The following KCNQ5 variants were observed in gnomAD, a reference collection of about 807,000 sequenced individuals.
KCNQ5 encodes potassium voltage-gated channel subfamily Q member 5, also known as potassium voltage-gated channel subfamily KQT member 5.
KCNQ5 carries 30 observed loss-of-function variants against 98.2 expected under a neutral mutation model. That is an observed-to-expected ratio of 0.31 (90% CI 0.23 to 0.41). KCNQ5 has a LOEUF of 0.41. Ranked by LOEUF, KCNQ5 falls within the 10% of genes least tolerant of loss-of-function variation. KCNQ5 has a pLI of 1.00. For missense variants in KCNQ5, 835 were observed against 1,182.5 expected, an observed-to-expected ratio of 0.71 and a Z score of 4.31; for synonymous variants, 458 against 449.4, an observed-to-expected ratio of 1.02 and a Z score of -0.24.
rs559898502 is a variant in KCNQ5, at chr6:72,955,505, C to T, written c.399-48403C>T. Among the ~76,000 whole-genome samples, 5 of 152,234 alleles carry T rather than the reference C, an allele frequency of 3.3e-5. No individual in the cohort carries two copies. In the East Asian group the frequency reaches 9.7e-4, roughly 29 times the overall value. ...TGCCAAAATGCATGCTCACCCTAAT[C>T]TATTATAACTATAAGTAGGAACTTT... On this transcript the variant is annotated intron_variant, in intron 1 of 13. Coordinates refer to ENST00000370398, the MANE Select transcript of KCNQ5 (RefSeq NM_019842.4).
At chr6:72,841,391 C>T (rs184516998) in intron 1 of KCNQ5, among the ~76,000 whole-genome samples, 34 of 152,188 alleles carry the variant, frequency 2.2e-4, no homozygotes, top group African/African-American at 8.2e-4. Flanking sequence ...GGACTTGTTC[C>T]TTTCCTTATT....
intron 1 of KCNQ5, among the ~76,000 whole-genome samples, chr6:72,816,210 T>G (rs780804582): frequency 6.6e-6 from 1 of 152,148 alleles, no homozygotes; most frequent in Non-Finnish European, 1.5e-5. Flanking sequence ...ATGCTGAATT[T>G]GATGACTAAG....
chr6:73,099,177 A>C (rs1284842797), intron 5 of KCNQ5, among the ~76,000 whole-genome samples: 1 of 152,176 alleles, frequency 6.6e-6, no homozygotes, highest in Non-Finnish European at 1.5e-5. Context: ...ATAAAAAGCA[A>C]GAAACTAAAT....
At chr6:72,894,127 A>T (rs1428816349) in intron 1 of KCNQ5, among the ~76,000 whole-genome samples, 1 of 152,178 alleles carries the variant, frequency 6.6e-6, no homozygotes, top group Non-Finnish European at 1.5e-5. Context: ...ATTCTGCAAG[A>T]GCAGCTTTTC....
At chr6:72,646,476 A>G (rs1446310271) in intron 1 of KCNQ5, among the ~76,000 whole-genome samples, 1 of 152,176 alleles carries the variant, frequency 6.6e-6, no homozygotes, top group Non-Finnish European at 1.5e-5. Context: ...GATTGTAGTT[A>G]TTGCTGATCT....
At chr6:72,759,793 C>A (rs531273269) in intron 1 of KCNQ5, among the ~76,000 whole-genome samples, 22 of 152,086 alleles carry the variant, frequency 1.4e-4, no homozygotes, top group African/African-American at 5.1e-4. Context: ...TTTCTAGTCA[C>A]ATTAAAATAG....
intron 1 of KCNQ5, among the ~76,000 whole-genome samples, chr6:72,990,323 T>A (rs1287673747): frequency 1.7e-5 from 1 of 57,932 alleles, no homozygotes; most frequent in Non-Finnish European, 3.4e-5. Flanking sequence ...TGTGTCCTCT[T>A]TTATTTCCTT....
chr6:72,686,017 G>GCTCTCTCTTTGTGC (rs1565078968), intron 1 of KCNQ5, among the ~76,000 whole-genome samples: 11 of 152,204 alleles, frequency 7.2e-5, no homozygotes, highest in Non-Finnish European at 1.5e-4. Flanking sequence ...CATGTTTAGA[G>GCTCTCTCTTTGTGC]AGAGAGCTGT....
rs2150527535 is a variant in KCNQ5, at chr6:73,194,508, T to C, written c.1893T>C (p.Leu631=). 6.2e-7 allele frequency: 1 copy of C among 1,614,170 alleles called. No individual in the cohort carries two copies. The highest frequency in any genetic ancestry group is 2.2e-5 in the East Asian group (1 of 44,884). Residue 631 remains leucine, a synonymous_variant, in exon 14 of 14, where the codon CTT becomes CTC. Transcript: ENST00000370398. ...DCLLDIYQQV[L]RKGSASALAL... is the part of the protein sequence containing the mutation. ...TACTAGACATCTATCAACAGGTCCT[T>C]CGGAAAGGCTCTGCCTCAGCCCTCG...
intron 1 of KCNQ5, among the ~76,000 whole-genome samples, chr6:72,705,590 GTTTTT>G (rs758036031): frequency 1.1e-5 from 1 of 93,108 alleles, no homozygotes; most frequent in Non-Finnish European, 1.9e-5. Flanking sequence ...TGTTGTTTTT[GTTTTT>G]TTTTTTGTTG....
At chr6:72,696,860 T>C (rs1184046578) in intron 1 of KCNQ5, among the ~76,000 whole-genome samples, 1 of 152,224 alleles carries the variant, frequency 6.6e-6, no homozygotes, top group South Asian at 2.1e-4. Context: ...GAAATATATA[T>C]AGTGATAGTA....
intron 1 of KCNQ5, among the ~76,000 whole-genome samples, chr6:72,912,411 T>C (rs1321515577): frequency 1.3e-5 from 2 of 152,220 alleles, no homozygotes; most frequent in African/African-American, 4.8e-5. Context: ...CCTTGCTTAG[T>C]GTCAGAGCTG....
intron 1 of KCNQ5, among the ~76,000 whole-genome samples, chr6:72,636,546 C>T (rs1011524426): frequency 1.3e-5 from 2 of 152,158 alleles, no homozygotes; most frequent in African/African-American, 4.8e-5. Context: ...TCTCTCACAC[C>T]TGAATGAATC....
At chr6:72,723,064 G>A (rs1770060253) in intron 1 of KCNQ5, among the ~76,000 whole-genome samples, 1 of 151,892 alleles carries the variant, frequency 6.6e-6, no homozygotes, top group Non-Finnish European at 1.5e-5. Flanking sequence ...TGCCCAGGCT[G>A]AGCTCAAGCA....
chr6:73,099,879 C>T (rs1391822916), intron 5 of KCNQ5, among the ~76,000 whole-genome samples: 3 of 152,134 alleles, frequency 2.0e-5, no homozygotes, highest in Non-Finnish European at 4.4e-5. Flanking sequence ...CAGAATACTC[C>T]ACACACTTCT....
chr6:73,117,083 T>C (rs933169563), intron 7 of KCNQ5, among the ~76,000 whole-genome samples: 1 of 152,236 alleles, frequency 6.6e-6, no homozygotes, highest in African/African-American at 2.4e-5. Flanking sequence ...TTTTGCTTCT[T>C]GTTGATTTGT....
At position 73,032,991 on chromosome 6, in the gene KCNQ5, G is replaced by T. The variant is rs148299653; in HGVS notation, c.490-8945G>T. Among the ~76,000 whole-genome samples, 434 of 152,212 alleles carry T rather than the reference G, an allele frequency of 2.9e-3. 1 individual carries two copies. Among genetic ancestry groups the T allele is most frequent in the Non-Finnish European group, 4.4e-3 (298 of 68,014 alleles). ...GAACATAAAACGTAAAGGCAGAAGGGATCATCTGGGTGGCTGCTCATACTA... is the reference window on the plus strand; with the variant it reads ...GAACATAAAACGTAAAGGCAGAAGGTATCATCTGGGTGGCTGCTCATACTA... On this transcript the variant is annotated intron_variant, in intron 2 of 13. Transcript: ENST00000370398.
chr6:73,118,664 T>G (rs1448525228), intron 7 of KCNQ5, among the ~76,000 whole-genome samples: 3 of 152,208 alleles, frequency 2.0e-5, no homozygotes, highest in Non-Finnish European at 4.4e-5. Flanking sequence ...TAGATCACAT[T>G]TTCTTCATTA....
chr6:72,841,831 G>A (rs1776807716), intron 1 of KCNQ5, among the ~76,000 whole-genome samples: 1 of 152,062 alleles, frequency 6.6e-6, no homozygotes, highest in South Asian at 2.1e-4. Flanking sequence ...ATTAATTACT[G>A]TAATTATTAA....
Sources: allele counts gnomAD v4.1 joint callset (sites outside exome capture counted in the v4.1 genomes callset), GRCh38; gene constraint gnomAD v4.1.1; transcripts MANE v1.5; gene names NCBI Gene and HGNC (gene_info 2026-07-23, HGNC 2026-07-21).